Variants in SAYSD1 observed in about 807,000 individuals in gnomAD.
SAYSD1 encodes SAYSvFN domain-containing protein 1.
A neutral mutation model predicts 14.5 loss-of-function variants in SAYSD1; 15 were observed. The observed-to-expected ratio is 1.03, with a 90% CI of 0.69 to 1.59. The LOEUF (loss-of-function observed/expected upper bound fraction) is 1.59, where lower values mean the gene tolerates loss of function less well. Among genes scored for constraint, SAYSD1 ranks in the 40% most tolerant of loss-of-function variants. SAYSD1 has a pLI of 0.00. For missense variants in SAYSD1, 247 were observed against 227.3 expected (o/e 1.09, Z -0.56); for synonymous variants, 105 against 102.6 (o/e 1.02, Z -0.14).
intron 1 of SAYSD1, chr6:39,111,385 G>C (rs1161388983): frequency 6.7e-6 from 1 of 150,144 alleles, no homozygotes. Flanking sequence ...AAAGAAGCAC[G>C]AAAGTTAAAA....
At chr6:39,114,394 T>A (rs1769691484) in intron 1 of SAYSD1, among the ~76,000 whole-genome samples, 1 of 152,258 alleles carries the variant, frequency 6.6e-6, no homozygotes, top group Non-Finnish European at 1.5e-5. Flanking sequence ...CACACTTTGG[T>A]AAATTCTGTA....
rs1328976230 is a variant in SAYSD1 at position 39,105,381 on chromosome 6, T to C, written c.*51A>G. 3 of 1,507,766 alleles carry C rather than the reference T, an allele frequency of 2.0e-6. No homozygotes were observed. Among genetic ancestry groups the C allele is most frequent in the Non-Finnish European group, 2.7e-6 (3 of 1,094,310 alleles). 93.4% of individuals were successfully genotyped at this position (1,507,766 alleles called of 1,614,324 possible). On this transcript the variant is annotated 3_prime_UTR_variant, in exon 2 of 2. Transcript: ENST00000229903. ...CACCTGAAATCAAATCCATAGCCAA[T>C]GGTGAGGAAGACCACATCAGAGGTT...
Position 39,115,110 on chromosome 6 carries a change from T to C in SAYSD1, c.-21A>G, listed in dbSNP as rs756037522. The C allele has an allele frequency of 4.4e-6, 7 of 1,593,684 alleles. No homozygotes were observed. Among genetic ancestry groups the C allele is most frequent in the Non-Finnish European group, 6.0e-6 (7 of 1,174,522 alleles). ...TCCATGGCGCGCGCCTCGCGTCCGT[T>C]GGCCGATAAGGGAGCGCGCGCCCGC... On this transcript the variant is annotated 5_prime_UTR_variant, in exon 1 of 2. Transcript: ENST00000229903.
Position 39,105,708 on chromosome 6 carries a change from G to A in SAYSD1, c.276C>T (p.Cys92=). Residue 92 remains cysteine (C), a synonymous_variant, in exon 2 of 2, where the codon TGC becomes TGT. Transcript: ENST00000229903. ...PWNTAIPLPS[C]WDQSFLTNIT... ...TATTGGTCAGGAAAGACTGGTCCCAGCACGACGGCAGAGGAATGGCTGTGT... is the reference window on the plus strand; with the variant it reads ...TATTGGTCAGGAAAGACTGGTCCCAACACGACGGCAGAGGAATGGCTGTGT... 1 of 1,614,238 alleles carries A rather than the reference G, an allele frequency of 6.2e-7. No individual in the cohort carries two copies. The highest frequency in any genetic ancestry group is 8.5e-7 in the Non-Finnish European group (1 of 1,180,040).
chr6:39,108,201 G>C (rs1358698874), intron 1 of SAYSD1, among the ~76,000 whole-genome samples: 1 of 152,134 alleles, frequency 6.6e-6, no homozygotes, highest in Non-Finnish European at 1.5e-5. Context: ...TCCAATGTAT[G>C]AACTCTGGTA....
At chr6:39,105,969 T>C (rs1769495686) in intron 1 of SAYSD1, among the ~76,000 whole-genome samples, 193 bp from the exon 2 acceptor site, 1 of 152,178 alleles carries the variant, frequency 6.6e-6, no homozygotes, top group South Asian at 2.1e-4. Flanking sequence ...TCAAAACTGA[T>C]CAGCACTTAG....
intron 1 of SAYSD1, chr6:39,109,747 G>A: frequency 3.1e-6 from 1 of 318,326 alleles, no homozygotes; most frequent in Non-Finnish European, 4.5e-6. Flanking sequence ...TTCTCCACAT[G>A]GCTGTGGATG....
At chr6:39,108,531 T>C (rs1583666975) in intron 1 of SAYSD1, among the ~76,000 whole-genome samples, 1 of 152,102 alleles carries the variant, frequency 6.6e-6, no homozygotes, top group East Asian at 1.9e-4. Context: ...CCTTCTGCTG[T>C]AAAACCTGGG....
intron 1 of SAYSD1, among the ~76,000 whole-genome samples, chr6:39,109,112 G>C (rs778061573): frequency 1.3e-5 from 2 of 152,162 alleles, no homozygotes; most frequent in Non-Finnish European, 2.9e-5. Flanking sequence ...ATTTTGCGGG[G>C]GTGAGGCACA....
At chr6:39,108,104 A>C (rs962032888) in intron 1 of SAYSD1, among the ~76,000 whole-genome samples, 5 of 152,226 alleles carry the variant, frequency 3.3e-5, no homozygotes, top group Non-Finnish European at 7.3e-5. Context: ...TTCTGAATAT[A>C]CATGCTGAGA....
rs577261841 is a variant in SAYSD1 at position 39,110,924 on chromosome 6, A to G, written c.207+3959T>C. On this transcript the variant is annotated intron_variant, in intron 1 of 1. Transcript: ENST00000229903. ...CATTAAAAAAAAAAGATACTTGAAA[A>G]TGGTCTTCAAAATGACAACCCAGAA... 2.6e-5 allele frequency: 4 copies of G among 152,330 alleles called. No homozygotes were observed. In the East Asian group the frequency reaches 7.7e-4, roughly 29 times the overall value. 9.4% of individuals were successfully genotyped at this position (152,330 alleles called of 1,614,324 possible).
In SAYSD1 at chr6:39,105,014, A is replaced by G. The variant is rs1769467324; in HGVS notation, c.*418T>C. The stretch of plus-strand genomic sequence containing the variant: ...ACTTGCAACCTAAACTCTCCGGGAA[A>G]AAAAAAATTGCTATAAATGTTAAAA... On this transcript the variant is annotated 3_prime_UTR_variant, in exon 2 of 2. Coordinates refer to ENST00000229903, the MANE Select transcript of SAYSD1 (RefSeq NM_018322.3). 6.4e-6 allele frequency: 1 copy of G among 156,606 alleles called. No individual in the cohort carries two copies. The highest frequency in any genetic ancestry group is 2.4e-5 in the African/African-American group (1 of 41,266). The allele number at this position is 156,606 out of a possible 1,614,324, so 9.7% of individuals were successfully genotyped here. A position where few individuals can be genotyped will look rare whatever the true frequency, so the allele number is the denominator to read the frequency against.
intron 1 of SAYSD1, among the ~76,000 whole-genome samples, chr6:39,108,417 TGGGTGTGG>T (rs1358459233): frequency 2.4e-5 from 1 of 41,226 alleles, no homozygotes; most frequent in Non-Finnish European, 4.2e-5. Flanking sequence ...TAGAGGTAGA[TGGGTGTGG>T]GGGTGGGGGG....
At chr6:39,114,769 G>T in intron 1 of SAYSD1, 114 bp downstream of exon 1, 1 of 1,011,196 alleles carries the variant, frequency 9.9e-7, no homozygotes, top group Non-Finnish European at 1.5e-6. Context: ...GATCAGGATG[G>T]GGGGCCAGTA....
intron 1 of SAYSD1, 93 bp downstream of exon 1, chr6:39,114,790 C>A (rs1769704127): frequency 7.6e-7 from 1 of 1,310,134 alleles, no homozygotes; most frequent in African/African-American, 1.5e-5. Context: ...GCCCCGCCTC[C>A]GGCAGCTAGG....
chr6:39,105,459 T>TA lies in SAYSD1; in HGVS notation c.524dup (p.Leu175PhefsTer48), dbSNP rs1312631220. ...ATCTCCCTGCCAGGGGTCTCAACTG[T>TA]AACTCGCGCTCCAACTGCTCTGCAG... On this transcript the variant is annotated frameshift_variant, in exon 2 of 2. Transcript: ENST00000229903. LOFTEE classifies it high-confidence loss of function. 1 of 1,614,110 alleles carries TA rather than the reference T, an allele frequency of 6.2e-7. No individual in the cohort carries two copies. The highest frequency in any genetic ancestry group is 1.3e-5 in the African/African-American group (1 of 74,942).
chr6:39,108,583 C>A (rs179272), intron 1 of SAYSD1, among the ~76,000 whole-genome samples: 47 of 151,954 alleles, frequency 3.1e-4, no homozygotes, highest in African/African-American at 1.1e-3. Flanking sequence ...ACAGGCATGG[C>A]CCAAGGAAGG....
intron 1 of SAYSD1, among the ~76,000 whole-genome samples, chr6:39,107,791 C>A (rs78335937): frequency 1.3e-5 from 2 of 152,138 alleles, no homozygotes; most frequent in South Asian, 2.1e-4. Flanking sequence ...GCACAGTATG[C>A]GTTCTGGCCC....
chr6:39,108,709 C>T (rs1392943667), intron 1 of SAYSD1, among the ~76,000 whole-genome samples: 1 of 152,068 alleles, frequency 6.6e-6, no homozygotes, highest in Non-Finnish European at 1.5e-5. Flanking sequence ...CCTCCTACTA[C>T]AAACGGCAAA....
Sources: gnomAD v4.1 joint callset for allele counts (sites outside exome capture counted in the v4.1 genomes callset) on GRCh38, gnomAD v4.1.1 for gene constraint, MANE v1.5 for transcripts, NCBI Gene and HGNC (gene_info 2026-07-23, HGNC 2026-07-21) for gene names.